EIF4EBP1: variants seen among roughly 807,000 people sequenced by gnomAD.
The protein encoded by EIF4EBP1 is eukaryotic translation initiation factor 4E binding protein 1, also known as eukaryotic translation initiation factor 4E-binding protein 1.
A neutral mutation model predicts 9.2 loss-of-function variants in EIF4EBP1; 5 were observed. The observed-to-expected ratio is 0.54, with a 90% CI of 0.28 to 1.14. The LOEUF (loss-of-function observed/expected upper bound fraction) is 1.14. EIF4EBP1 is among the 50% of genes most tolerant of loss of function. The pLI is 0.09. For missense variants in EIF4EBP1, 139 were observed against 169.6 expected, an observed-to-expected ratio of 0.82 and a Z score of 1.00; for synonymous variants, 62 against 67.0, an observed-to-expected ratio of 0.93 and a Z score of 0.36.
At chr8:38,053,891 C>T (rs7834939) in intron 1 of EIF4EBP1, among the ~76,000 whole-genome samples, 2,041 of 152,172 alleles carry the variant, frequency 0.013, 36 homozygotes, top group African/African-American at 0.047. Context: ...CTTGCCAGGG[C>T]CTAGAGGGAG....
chr8:38,042,467 G>C (rs1306512170), intron 1 of EIF4EBP1, among the ~76,000 whole-genome samples: 1 of 152,158 alleles, frequency 6.6e-6, no homozygotes, highest in Non-Finnish European at 1.5e-5. Context: ...AAATACCACA[G>C]ATTGGGTGCT....
At chr8:38,039,346 C>T (rs749532447) in intron 1 of EIF4EBP1, among the ~76,000 whole-genome samples, 71 of 150,100 alleles carry the variant, frequency 4.7e-4, no homozygotes, top group Non-Finnish European at 7.8e-4. Context: ...GTTCTGAGCA[C>T]ATTTAAGGTA....
chr8:38,056,640 C>G (rs1483580272), intron 1 of EIF4EBP1, among the ~76,000 whole-genome samples: 2 of 150,444 alleles, frequency 1.3e-5, no homozygotes, highest in Non-Finnish European at 2.9e-5. Context: ...AGCCAGGCCC[C>G]CAAATAAGCC....
intron 2 of EIF4EBP1, 127 bp from the exon 3 acceptor site, chr8:38,059,777 A>C (rs1809646375): frequency 1.0e-6 from 1 of 962,614 alleles, no homozygotes. Context: ...ACAAAAAAAC[A>C]AAAAAAAACT....
chr8:38,046,207 C>T (rs574385199), intron 1 of EIF4EBP1, among the ~76,000 whole-genome samples: 58 of 152,272 alleles, frequency 3.8e-4, no homozygotes, highest in African/African-American at 1.4e-3. Context: ...CCGGCCTACA[C>T]CTGGCTAATT....
intron 1 of EIF4EBP1, among the ~76,000 whole-genome samples, chr8:38,052,708 A>C (rs1585530312): frequency 6.8e-6 from 1 of 146,976 alleles, no homozygotes; most frequent in Non-Finnish European, 1.5e-5. Flanking sequence ...ACAGAATGAG[A>C]CTCCATCTCA....
Position 38,037,851 on chromosome 8 carries a change from G to A in EIF4EBP1, c.145+7133G>A, listed in dbSNP as rs114057838. Among the ~76,000 whole-genome samples, 525 of 151,990 alleles carry A rather than the reference G, an allele frequency of 3.5e-3. 2 individuals carry two copies. Among genetic ancestry groups the A allele is most frequent in the African/African-American group, 0.011 (461 of 41,470 alleles). On this transcript the variant is annotated intron_variant, in intron 1 of 2. Transcript: ENST00000338825. Reference sequence around the variant, plus strand: ...TACAGTGGCACGATCATGCCTCACTGCAGTCTCAACCCCCTGAGCTCAGGT... The same window carrying A: ...TACAGTGGCACGATCATGCCTCACTACAGTCTCAACCCCCTGAGCTCAGGT...
chr8:38,032,961 C>T (rs1809244429), intron 1 of EIF4EBP1, among the ~76,000 whole-genome samples: 3 of 152,012 alleles, frequency 2.0e-5, no homozygotes, highest in Admixed American at 6.6e-5. Flanking sequence ...TCTCAGTCTT[C>T]CAGGTGCTTG....
chr8:38,054,497 G>A (rs921931271), intron 1 of EIF4EBP1, among the ~76,000 whole-genome samples: 1 of 152,062 alleles, frequency 6.6e-6, no homozygotes, highest in African/African-American at 2.4e-5. Context: ...AAGAAGGGGG[G>A]CACTCTTGCC....
chr8:38,056,047 C>G (rs551610659), intron 1 of EIF4EBP1, among the ~76,000 whole-genome samples: 7 of 151,936 alleles, frequency 4.6e-5, no homozygotes, highest in African/African-American at 1.4e-4. Flanking sequence ...TTGGAACTGT[C>G]TTTTTGAGAT....
intron 1 of EIF4EBP1, among the ~76,000 whole-genome samples, chr8:38,034,244 CTA>C (rs1202493587): frequency 3.3e-5 from 5 of 151,760 alleles, no homozygotes; most frequent in African/African-American, 7.2e-5. Flanking sequence ...GGCAGGGTCT[CTA>C]TGTATTACCC....
At chr8:38,041,110 G>A (rs1200499348) in intron 1 of EIF4EBP1, among the ~76,000 whole-genome samples, 3 of 151,828 alleles carry the variant, frequency 2.0e-5, no homozygotes, top group African/African-American at 7.3e-5. Context: ...TTTTTTGTTT[G>A]CTTGTTTGTT....
chr8:38,049,543 G>A lies in EIF4EBP1; in HGVS notation c.146-7538G>A, dbSNP rs548988704. ...GTCCCCCAGGCCGGAGTGCAGTAGC[G>A]TGATCTCAACTCACTGCAACCTCCA... On this transcript the variant is annotated intron_variant, in intron 1 of 2. Transcript: ENST00000338825. 5.4e-5 allele frequency among the ~76,000 whole-genome samples: 8 copies of A among 147,256 alleles called. No homozygotes were observed. The East Asian group carries it at 6.1e-4, about 11-fold the overall frequency.
intron 1 of EIF4EBP1, among the ~76,000 whole-genome samples, chr8:38,037,300 C>T (rs919201252): frequency 6.6e-6 from 1 of 151,880 alleles, no homozygotes; most frequent in Admixed American, 6.6e-5. Context: ...CTCAGGATAA[C>T]CTAGTTTTCT....
chr8:38,060,162 G>A lies in EIF4EBP1; in HGVS notation c.*227G>A. 1 of 605,054 alleles carries A rather than the reference G, an allele frequency of 1.7e-6. No individual in the cohort carries two copies. Among genetic ancestry groups the A allele is most frequent in the Non-Finnish European group, 3.0e-6 (1 of 338,054 alleles). The allele number at this position is 605,054 out of a possible 1,614,324, so 37.5% of individuals were successfully genotyped here. ...TGATGCAGGAGCTGCCACCCCAAGG[G>A]GAGTGACCCCTGCCAGCACACCCTG... On this transcript the variant is annotated 3_prime_UTR_variant, in exon 3 of 3. Transcript: ENST00000338825.
chr8:38,047,792 CT>C (rs1226933569), intron 1 of EIF4EBP1, among the ~76,000 whole-genome samples: 1 of 152,310 alleles, frequency 6.6e-6, no homozygotes, highest in East Asian at 1.9e-4. Flanking sequence ...GCCTGAATCA[CT>C]TTTTTGATAA....
chr8:38,033,546 A>G (rs1809255723), intron 1 of EIF4EBP1, among the ~76,000 whole-genome samples: 1 of 151,194 alleles, frequency 6.6e-6, no homozygotes, highest in African/African-American at 2.4e-5. Context: ...GTGGAGAGCC[A>G]GGCTTTTGAT....
At chr8:38,039,107 G>C (rs531765613) in intron 1 of EIF4EBP1, among the ~76,000 whole-genome samples, 1 of 151,880 alleles carries the variant, frequency 6.6e-6, no homozygotes, top group Non-Finnish European at 1.5e-5. Flanking sequence ...GGTCAGGCTG[G>C]TCTCGAACTC....
At chr8:38,055,586 T>A (rs1809583500) in intron 1 of EIF4EBP1, among the ~76,000 whole-genome samples, 1 of 151,234 alleles carries the variant, frequency 6.6e-6, no homozygotes, top group Non-Finnish European at 1.5e-5. Flanking sequence ...TAATTTACAT[T>A]ATTTTATTAT....
Sources: allele counts gnomAD v4.1 joint callset (sites outside exome capture counted in the v4.1 genomes callset), GRCh38; gene constraint gnomAD v4.1.1; transcripts MANE v1.5; gene names NCBI Gene and HGNC (gene_info 2026-07-23, HGNC 2026-07-21).